The following SAMSN1 variants were observed in gnomAD, a reference collection of about 807,000 sequenced individuals.
SAMSN1 encodes SAM domain-containing protein SAMSN-1.
A neutral mutation model predicts 42.0 loss-of-function variants in SAMSN1; 31 were observed. The observed-to-expected ratio is 0.74, with a 90% CI of 0.55 to 1.00. The LOEUF (loss-of-function observed/expected upper bound fraction) is 1.00. SAMSN1 is among the 50% of genes least tolerant of loss of function. The pLI, the probability that SAMSN1 is intolerant of heterozygous loss-of-function variation, is 0.00. For missense variants in SAMSN1, 464 were observed against 439.4 expected (o/e 1.06, Z -0.50); for synonymous variants, 178 against 151.9 (o/e 1.17, Z -1.26).
intron 4 of SAMSN1, among the ~76,000 whole-genome samples, chr21:14,511,453 C>A (rs1193976513): frequency 6.6e-6 from 1 of 152,172 alleles, no homozygotes; most frequent in African/African-American, 2.4e-5. Flanking sequence ...CTAATGAGAT[C>A]TGAATTTCAT....
intron 2 of SAMSN1, chr21:14,619,639 T>C (rs761557369): frequency 4.8e-5 from 15 of 314,648 alleles, no homozygotes; most frequent in South Asian, 4.3e-4. Flanking sequence ...AAAAGATTTA[T>C]TTCCTCACCT....
chr21:14,537,158 C>A (rs1435883474), intron 1 of SAMSN1, among the ~76,000 whole-genome samples: 1 of 152,230 alleles, frequency 6.6e-6, no homozygotes, highest in Non-Finnish European at 1.5e-5. Context: ...TTTGCGGCGG[C>A]TCTTCCCGCT....
At chr21:14,567,894 G>A (rs1345380708) in intron 2 of SAMSN1, among the ~76,000 whole-genome samples, 4 of 152,204 alleles carry the variant, frequency 2.6e-5, no homozygotes, top group Non-Finnish European at 5.9e-5. Context: ...AATAACTTGT[G>A]AAAATAATAT....
At chr21:14,494,596 T>G (rs965588487) in intron 7 of SAMSN1, among the ~76,000 whole-genome samples, 3 of 151,690 alleles carry the variant, frequency 2.0e-5, no homozygotes, top group African/African-American at 7.3e-5. Flanking sequence ...TTAGGAGAAA[T>G]ACCTAATGTA....
chr21:14,505,549 A>G (rs1320856374), intron 5 of SAMSN1, among the ~76,000 whole-genome samples: 1 of 152,222 alleles, frequency 6.6e-6, no homozygotes, highest in Non-Finnish European at 1.5e-5. Flanking sequence ...GGAAAATATC[A>G]CAATCCTAAA....
In SAMSN1 at chr21:14,535,106, C is replaced by G. The variant is rs143178098; in HGVS notation, c.57+11099G>C. Among the ~76,000 whole-genome samples the G allele has an allele frequency of 3.3e-5, 5 of 152,260 alleles. No individual in the cohort carries two copies. The East Asian group carries it at 9.6e-4, about 29-fold the overall frequency. ...AGGAACACGGGCCTCACTCCACCAA[C>G]CAAACCAGAAGATCTGGTATTAGGG... is the stretch of plus-strand genomic sequence containing the variant. On this transcript the variant is annotated intron_variant, in intron 1 of 7. Coordinates refer to ENST00000400566, the MANE Select transcript of SAMSN1 (RefSeq NM_022136.5).
At chr21:14,589,761 T>G (rs1171704409) in intron 7 of SAMSN1, among the ~76,000 whole-genome samples, 1 of 152,102 alleles carries the variant, frequency 6.6e-6, no homozygotes, top group African/African-American at 2.4e-5. Flanking sequence ...CAGACTTGAA[T>G]GAAGTAAAAA....
intron 7 of SAMSN1, among the ~76,000 whole-genome samples, chr21:14,590,866 A>G (rs1432750807): frequency 3.3e-5 from 5 of 152,190 alleles, no homozygotes; most frequent in African/African-American, 1.2e-4. Flanking sequence ...ACATATTCTA[A>G]AAAGATAATT....
intron 2 of SAMSN1, among the ~76,000 whole-genome samples, chr21:14,519,292 T>C (rs189653073): frequency 9.2e-5 from 14 of 152,252 alleles, no homozygotes; most frequent in African/African-American, 3.1e-4. Context: ...CACTATTTTA[T>C]TAGGTTTGCT....
intron 2 of SAMSN1, among the ~76,000 whole-genome samples, chr21:14,520,053 A>G (rs1978352322): frequency 6.6e-6 from 1 of 152,240 alleles, no homozygotes; most frequent in South Asian, 2.1e-4. Context: ...AATAGTTCCT[A>G]TGTTATAAAT....
chr21:14,578,518 A>T (rs1981580544), intron 2 of SAMSN1, among the ~76,000 whole-genome samples: 2 of 151,864 alleles, frequency 1.3e-5, no homozygotes, highest in Non-Finnish European at 2.9e-5. Flanking sequence ...CCCCATCTCT[A>T]CTAAAAATAC....
At chr21:14,632,338 T>C (rs1460505818) in intron 2 of SAMSN1, among the ~76,000 whole-genome samples, 1 of 152,160 alleles carries the variant, frequency 6.6e-6, no homozygotes, top group African/African-American at 2.4e-5. Flanking sequence ...TCTGCTTAAA[T>C]TGACTAGCAT....
chr21:14,517,736 G>A (rs1046410492), intron 2 of SAMSN1, among the ~76,000 whole-genome samples: 7 of 151,858 alleles, frequency 4.6e-5, no homozygotes, highest in African/African-American at 1.7e-4. Flanking sequence ...CAATGACTCA[G>A]AATAAAACAC....
exon 6 of SAMSN1, chr21:14,602,032 A>T (rs1290558732): frequency 1.5e-6 from 1 of 688,954 alleles, no homozygotes. Context: ...CCTGATAGGA[A>T]GTTCCTTGTA....
At chr21:14,543,312 A>G (rs1301926719) in intron 1 of SAMSN1, among the ~76,000 whole-genome samples, 1 of 152,206 alleles carries the variant, frequency 6.6e-6, no homozygotes, top group Non-Finnish European at 1.5e-5. Flanking sequence ...TATACTAAAA[A>G]TAGAGAAAGA....
At chr21:14,520,612 C>T (rs1978396170) in intron 2 of SAMSN1, among the ~76,000 whole-genome samples, 1 of 152,144 alleles carries the variant, frequency 6.6e-6, no homozygotes, top group Non-Finnish European at 1.5e-5. Context: ...CCAACGGTCC[C>T]TTGCGAAACC....
intron 5 of SAMSN1, among the ~76,000 whole-genome samples, chr21:14,607,566 G>A (rs1982598595): frequency 6.6e-6 from 1 of 152,142 alleles, no homozygotes; most frequent in African/African-American, 2.4e-5. Flanking sequence ...CGCTGAACAT[G>A]CATGGTCACT....
intron 3 of SAMSN1, among the ~76,000 whole-genome samples, chr21:14,516,026 T>A (rs1987898913): frequency 6.6e-6 from 1 of 152,158 alleles, no homozygotes; most frequent in Non-Finnish European, 1.5e-5. Context: ...TTGGCAATGA[T>A]GCAGAGAAAT....
chr21:14,543,552 TGAAAA>T (rs1190974394), intron 1 of SAMSN1, among the ~76,000 whole-genome samples: 6 of 152,168 alleles, frequency 3.9e-5, no homozygotes, highest in Non-Finnish European at 7.4e-5. Context: ...AAGACCTATT[TGAAAA>T]TACTAATAAC....
Sources: allele counts gnomAD v4.1 joint callset (sites outside exome capture counted in the v4.1 genomes callset), GRCh38; gene constraint gnomAD v4.1.1; transcripts MANE v1.5; gene names NCBI Gene and HGNC (gene_info 2026-07-23, HGNC 2026-07-21).